Variants in C21orf91 observed in about 807,000 individuals in gnomAD.
C21orf91 encodes protein EURL homolog.
C21orf91 carries 26 observed loss-of-function variants against 32.9 expected under a neutral mutation model. The ratio of observed to expected loss-of-function variants is 0.79; its 90% CI spans 0.58 to 1.10. C21orf91 has a LOEUF of 1.10. Ranked by LOEUF, C21orf91 falls within the 50% of genes least tolerant of loss-of-function variation. The pLI, the probability that C21orf91 is intolerant of heterozygous loss-of-function variation, is 0.00. For synonymous variants in C21orf91, 126 were observed against 120.4 expected, an observed-to-expected ratio of 1.05 and a Z score of -0.31; for missense variants, 310 against 341.3, an observed-to-expected ratio of 0.91 and a Z score of 0.72.
rs1181215685 is a variant in C21orf91, at chr21:17,792,472, C to CTT, written c.*941_*942dup. On this transcript the variant is annotated 3_prime_UTR_variant, in exon 5 of 5. Coordinates refer to ENST00000284881, the MANE Select transcript of C21orf91 (RefSeq NM_001100420.2). ...TACCCAAAGTGGCACACAAAATAATCTTACTTTTTTTTTTCAAAGACAGAA... is the reference window on the plus strand; with the variant it reads ...TACCCAAAGTGGCACACAAAATAATCTTTTACTTTTTTTTTTCAAAGACAGAA... 7.5e-6 allele frequency: 1 copy of CTT among 134,146 alleles called. No individual in the cohort carries two copies. Among genetic ancestry groups the CTT allele is most frequent in the African/African-American group, 3.1e-5 (1 of 32,110 alleles). 8.3% of individuals were successfully genotyped at this position (134,146 alleles called of 1,614,324 possible). A position where few individuals can be genotyped will look rare whatever the true frequency, so the allele number is the denominator to read the frequency against.
Position 17,818,255 on chromosome 21 carries a change from TACAA to T in C21orf91, c.60_63del (p.Cys21AsnfsTer18). 6.2e-7 allele frequency: 1 copy of T among 1,611,650 alleles called. No individual in the cohort carries two copies. The highest frequency in any genetic ancestry group is 8.5e-7 in the Non-Finnish European group (1 of 1,177,718). ...AGTGTTTCTTTGTCTGTTCCCAGTT[TACAA>T]ACACTGCAAATGTTGTCATCATTCA... is the stretch of plus-strand genomic sequence containing the variant. On this transcript the variant is annotated frameshift_variant, in exon 2 of 5. Transcript: ENST00000284881. LOFTEE classifies it high-confidence loss of function.
intron 2 of C21orf91, among the ~76,000 whole-genome samples, chr21:17,812,953 C>G (rs2062642534): frequency 6.6e-6 from 1 of 152,190 alleles, no homozygotes; most frequent in Non-Finnish European, 1.5e-5. Context: ...ACCGCCAGAA[C>G]TAAGAAATAA....
rs996603093 is a variant in C21orf91 at position 17,789,046 on chromosome 21, CAATACA to C, written c.*4363_*4368del. On this transcript the variant is annotated 3_prime_UTR_variant, in exon 5 of 5. Transcript: ENST00000284881. ...GCATATATACAGTTCCCAAGCAGAG[CAATACA>C]AATATATAAATTATTGCAGTTTTCA... The C allele has an allele frequency of 4.6e-5, 7 of 152,030 alleles. No homozygotes were observed. Among genetic ancestry groups the C allele is most frequent in the Admixed American group, 3.3e-4 (5 of 15,270 alleles). The allele number at this position is 152,030 out of a possible 1,614,324, so 9.4% of individuals were successfully genotyped here.
At chr21:17,802,537 T>C (rs928103674) in intron 2 of C21orf91, among the ~76,000 whole-genome samples, 5 of 152,218 alleles carry the variant, frequency 3.3e-5, no homozygotes. Context: ...ATTCACCAAT[T>C]GTAGGAACAA....
At chr21:17,808,070 G>C (rs1034553880) in intron 2 of C21orf91, among the ~76,000 whole-genome samples, 1 of 152,208 alleles carries the variant, frequency 6.6e-6, no homozygotes, top group Admixed American at 6.5e-5. Context: ...GCATTTCAGA[G>C]ACCTTTGTTG....
chr21:17,799,121 A>G (rs2062541414), intron 2 of C21orf91, among the ~76,000 whole-genome samples: 1 of 152,172 alleles, frequency 6.6e-6, no homozygotes, highest in African/African-American at 2.4e-5. Context: ...ATGGAAAGTA[A>G]TTAATATTTA....
In C21orf91 at chr21:17,789,197, C is replaced by T. The variant is rs1262281133; in HGVS notation, c.*4218G>A. Reference sequence around the variant, plus strand: ...ACAATTTTGTAAAGTAAATTTCTAACACCAGAGAGATTAAGTTCAATGACC... The same window carrying T: ...ACAATTTTGTAAAGTAAATTTCTAATACCAGAGAGATTAAGTTCAATGACC... On this transcript the variant is annotated 3_prime_UTR_variant, in exon 5 of 5. Coordinates refer to ENST00000284881, the MANE Select transcript of C21orf91 (RefSeq NM_001100420.2). 2 of 151,524 alleles carry T rather than the reference C, an allele frequency of 1.3e-5. No individual in the cohort carries two copies. Among genetic ancestry groups the T allele is most frequent in the African/African-American group, 2.4e-5 (1 of 41,068 alleles). 9.4% of individuals were successfully genotyped at this position (151,524 alleles called of 1,614,324 possible). A position where few individuals can be genotyped will look rare whatever the true frequency, so the allele number is the denominator to read the frequency against.
At chr21:17,811,073 A>G (rs117298397) in intron 2 of C21orf91, among the ~76,000 whole-genome samples, 1 of 152,150 alleles carries the variant, frequency 6.6e-6, no homozygotes, top group Non-Finnish European at 1.5e-5. Context: ...ATCTTGCCTA[A>G]AAGTTACTTA....
intron 2 of C21orf91, 23 bp from the exon 3 acceptor site, chr21:17,797,141 A>G (rs1474282135): frequency 7.3e-6 from 11 of 1,509,844 alleles, no homozygotes; most frequent in African/African-American, 1.4e-5. Flanking sequence ...AAGAGAAACA[A>G]AAGACTTGAG....
In C21orf91 at chr21:17,792,532, T is replaced by A. The variant is rs2062484063; in HGVS notation, c.*883A>T. The A allele has an allele frequency of 6.6e-6, 1 of 152,054 alleles. No homozygotes were observed. Among genetic ancestry groups the A allele is most frequent in the Non-Finnish European group, 1.5e-5 (1 of 67,982 alleles). 9.4% of individuals were successfully genotyped at this position (152,054 alleles called of 1,614,324 possible). On this transcript the variant is annotated 3_prime_UTR_variant, in exon 5 of 5. Transcript: ENST00000284881. Reference sequence around the variant, plus strand: ...AGCACACTCAATTTGAAGATAGACATTATATTTGAATTGGAAGTGAGGCTT... The same window carrying A: ...AGCACACTCAATTTGAAGATAGACAATATATTTGAATTGGAAGTGAGGCTT...
At chr21:17,814,890 T>A (rs1188207106) in intron 2 of C21orf91, among the ~76,000 whole-genome samples, 1 of 152,150 alleles carries the variant, frequency 6.6e-6, no homozygotes, top group Non-Finnish European at 1.5e-5. Context: ...TAAAAAAAAA[T>A]CAACCTTGTG....
At chr21:17,803,357 G>GA (rs1251647278) in intron 2 of C21orf91, among the ~76,000 whole-genome samples, 1 of 151,974 alleles carries the variant, frequency 6.6e-6, no homozygotes, top group Non-Finnish European at 1.5e-5. Flanking sequence ...CTGGTCTCTA[G>GA]AAAAAATACA....
chr21:17,807,352 T>C (rs1421080824), intron 2 of C21orf91, among the ~76,000 whole-genome samples: 1 of 152,164 alleles, frequency 6.6e-6, no homozygotes, highest in Non-Finnish European at 1.5e-5. Flanking sequence ...TCTGTCATGA[T>C]TGTAAGTTTT....
At chr21:17,811,109 A>G (rs1568755764) in intron 2 of C21orf91, among the ~76,000 whole-genome samples, 3 of 152,104 alleles carry the variant, frequency 2.0e-5, no homozygotes, top group Admixed American at 6.5e-5. Context: ...CTAAGAGTCC[A>G]TGTCATTTTC....
intron 2 of C21orf91, among the ~76,000 whole-genome samples, chr21:17,797,374 T>C (rs1315083968): frequency 6.6e-6 from 1 of 152,098 alleles, no homozygotes; most frequent in Non-Finnish European, 1.5e-5. Context: ...TCTAGAGATG[T>C]TACTGCACGA....
At chr21:17,797,351 A>C (rs1406682305) in intron 2 of C21orf91, among the ~76,000 whole-genome samples, 3 of 152,118 alleles carry the variant, frequency 2.0e-5, no homozygotes, top group Non-Finnish European at 4.4e-5. Context: ...TAATTATTCA[A>C]TTTTAATCCT....
In C21orf91 at chr21:17,792,102, T is replaced by TA. The variant is rs1007414947; in HGVS notation, c.*1312dup. The TA allele has an allele frequency of 2.0e-5, 3 of 152,148 alleles. No homozygotes were observed. Among genetic ancestry groups the TA allele is most frequent in the African/African-American group, 7.2e-5 (3 of 41,446 alleles). The allele number at this position is 152,148 out of a possible 1,614,324, so 9.4% of individuals were successfully genotyped here. A position where few individuals can be genotyped will look rare whatever the true frequency, so the allele number is the denominator to read the frequency against. On this transcript the variant is annotated 3_prime_UTR_variant, in exon 5 of 5. Transcript: ENST00000284881. ...TACTTTCAAGCAAGGATCTACCTCA[T>TA]AAGTACATTCTAAACATGAGTTAAA...
chr21:17,805,605 C>T (rs937768025), intron 2 of C21orf91, among the ~76,000 whole-genome samples: 5 of 152,152 alleles, frequency 3.3e-5, no homozygotes, highest in African/African-American at 4.8e-5. Flanking sequence ...TGAGCCACCA[C>T]ACCCAGCTAG....
chr21:17,801,294 G>A (rs546784049), intron 2 of C21orf91, among the ~76,000 whole-genome samples: 60 of 148,884 alleles, frequency 4.0e-4, no homozygotes, highest in Admixed American at 3.3e-4. Flanking sequence ...TTTTTTAGAC[G>A]GAGTCTCGCT....
Sources: gnomAD v4.1 joint callset for allele counts (sites outside exome capture counted in the v4.1 genomes callset) on GRCh38, gnomAD v4.1.1 for gene constraint, MANE v1.5 for transcripts, NCBI Gene and HGNC (gene_info 2026-07-23, HGNC 2026-07-21) for gene names.